Variants in DNAJB14 observed in about 807,000 individuals in gnomAD.
The protein encoded by DNAJB14 is dnaJ homolog subfamily B member 14.
A neutral mutation model predicts 48.4 loss-of-function variants in DNAJB14; 22 were observed. The observed-to-expected ratio is 0.45, with a 90% CI of 0.32 to 0.65. The LOEUF is 0.65. Ranked by LOEUF, DNAJB14 falls within the 30% of genes least tolerant of loss-of-function variation. The pLI is 0.03. For missense variants in DNAJB14, 319 were observed against 458.8 expected (o/e 0.70, Z 2.78); for synonymous variants, 142 against 158.7 (o/e 0.89, Z 0.79).
intron 2 of DNAJB14, chr4:99,925,094 A>G: frequency 2.6e-6 from 1 of 389,610 alleles, no homozygotes; most frequent in Non-Finnish European, 4.6e-6. Context: ...CTCCTTGAAT[A>G]CCAAAATCTA....
Position 99,897,967 on chromosome 4 carries a change from G to C in DNAJB14, c.*3061C>G, listed in dbSNP as rs967120983. Reference sequence around the variant, plus strand: ...TATTTAGCTGTCTTAACACAGGTGGGAGACTTTTTTTTAATGAAATACATA... The same window carrying C: ...TATTTAGCTGTCTTAACACAGGTGGCAGACTTTTTTTTAATGAAATACATA... On this transcript the variant is annotated 3_prime_UTR_variant, in exon 8 of 8. Transcript: ENST00000442697. The C allele has an allele frequency of 1.1e-4, 16 of 151,944 alleles. No homozygotes were observed. The highest frequency in any genetic ancestry group is 2.0e-4 in the Admixed American group (3 of 15,260). 9.4% of individuals were successfully genotyped at this position (151,944 alleles called of 1,614,324 possible).
intron 1 of DNAJB14, among the ~76,000 whole-genome samples, chr4:99,943,426 A>G (rs1726950283): frequency 6.6e-6 from 1 of 152,150 alleles, no homozygotes; most frequent in African/African-American, 2.4e-5. Context: ...GATTTATTCA[A>G]ATTGTTTGCA....
intron 3 of DNAJB14, among the ~76,000 whole-genome samples, chr4:99,917,049 C>T (rs940146795): frequency 3.3e-5 from 5 of 152,114 alleles, no homozygotes; most frequent in Non-Finnish European, 4.4e-5. Context: ...GCAGGAAAAT[C>T]GCTTGAACCT....
chr4:99,915,698 T>C (rs892837714), intron 3 of DNAJB14, among the ~76,000 whole-genome samples: 5 of 152,212 alleles, frequency 3.3e-5, no homozygotes, highest in Admixed American at 2.0e-4. Flanking sequence ...GAATTTGTAG[T>C]CTGCTGTTGT....
rs1039681045 is a variant in DNAJB14 at position 99,897,521 on chromosome 4, G to C, written c.*3507C>G. 1 of 151,826 alleles carries C rather than the reference G, an allele frequency of 6.6e-6. No homozygotes were observed. The highest frequency in any genetic ancestry group is 2.4e-5 in the African/African-American group (1 of 41,378). The allele number at this position is 151,826 out of a possible 1,614,324, so 9.4% of individuals were successfully genotyped here. On this transcript the variant is annotated 3_prime_UTR_variant, in exon 8 of 8. Transcript: ENST00000442697. ...TTGAAGGGATGAGCAAGAATTCCTT[G>C]AAAAGCCTCATTCTATCCTTTTTCT...
chr4:99,922,275 G>A (rs1726088773), intron 3 of DNAJB14, among the ~76,000 whole-genome samples: 2 of 152,294 alleles, frequency 1.3e-5, no homozygotes, highest in Non-Finnish European at 1.5e-5. Context: ...TTTAAAATGA[G>A]TATCTACTTC....
At chr4:99,906,016 A>C in intron 5 of DNAJB14, 1 of 1,309,694 alleles carries the variant, frequency 7.6e-7, no homozygotes. Context: ...AATATGCTGC[A>C]GGCTGTAAAA....
At chr4:99,933,721 G>C (rs961704334) in intron 1 of DNAJB14, among the ~76,000 whole-genome samples, 1 of 152,120 alleles carries the variant, frequency 6.6e-6, no homozygotes, top group Non-Finnish European at 1.5e-5. Context: ...TGGAAAAAAG[G>C]CTATGACATC....
At chr4:99,931,602 T>C (rs944371115) in intron 1 of DNAJB14, among the ~76,000 whole-genome samples, 32 of 152,178 alleles carry the variant, frequency 2.1e-4, no homozygotes, top group African/African-American at 7.7e-4. Flanking sequence ...ACAGATGACT[T>C]AGACATCAAA....
At chr4:99,918,177 A>G (rs980456260) in intron 3 of DNAJB14, among the ~76,000 whole-genome samples, 2 of 152,026 alleles carry the variant, frequency 1.3e-5, no homozygotes, top group Non-Finnish European at 2.9e-5. Context: ...CTTATTTTCT[A>G]TGTTCAAATT....
chr4:99,939,465 T>C (rs1029617822), intron 1 of DNAJB14, among the ~76,000 whole-genome samples: 3 of 152,374 alleles, frequency 2.0e-5, no homozygotes, highest in Admixed American at 1.3e-4. Flanking sequence ...CCTCCTTTCA[T>C]TTTTAGCACA....
intron 1 of DNAJB14, among the ~76,000 whole-genome samples, 184 bp downstream of exon 1, chr4:99,946,255 C>T (rs932587506): frequency 6.6e-6 from 1 of 152,118 alleles, no homozygotes; most frequent in Non-Finnish European, 1.5e-5. Flanking sequence ...AGCCCCAGCC[C>T]GGAGCCGGGG....
intron 1 of DNAJB14, among the ~76,000 whole-genome samples, chr4:99,942,912 G>T (rs1726934070): frequency 1.3e-5 from 2 of 152,102 alleles, no homozygotes; most frequent in Non-Finnish European, 2.9e-5. Context: ...GAATTTGGTG[G>T]TGGACTAGTA....
intron 7 of DNAJB14, 76 bp downstream of exon 7, chr4:99,903,650 G>C (rs1389750850): frequency 6.9e-7 from 1 of 1,448,486 alleles, no homozygotes; most frequent in Non-Finnish European, 9.3e-7. Flanking sequence ...AACATTCCTT[G>C]AATAGGGAAA....
chr4:99,923,738 G>A lies in DNAJB14; in HGVS notation c.306-553C>T, dbSNP rs555907844. On this transcript the variant is annotated intron_variant, in intron 2 of 7. Coordinates refer to ENST00000442697, the MANE Select transcript of DNAJB14 (RefSeq NM_001031723.4). ...TTTGATATAGATGGGGTCTTGTTAT[G>A]TTGGGGCTGAGGCTAGTCTTGAAAT... 1,172 of 963,466 alleles carry A rather than the reference G, an allele frequency of 1.2e-3. 2 individuals carry two copies. Among genetic ancestry groups the A allele is most frequent in the Non-Finnish European group, 1.4e-3 (1,096 of 810,056 alleles). The allele number at this position is 963,466 out of a possible 1,614,324, so 59.7% of individuals were successfully genotyped here.
intron 2 of DNAJB14, chr4:99,925,695 T>C (rs903061994): frequency 6.6e-6 from 1 of 152,028 alleles, no homozygotes; most frequent in Admixed American, 6.6e-5. Context: ...TCACATTAAA[T>C]TTACAATTGG....
In DNAJB14 at chr4:99,896,750, T is replaced by G. The variant is rs1725155084; in HGVS notation, c.*4278A>C. 4 of 152,104 alleles carry G rather than the reference T, an allele frequency of 2.6e-5. No homozygotes were observed. Among genetic ancestry groups the G allele is most frequent in the Admixed American group, 2.6e-4 (4 of 15,278 alleles). 9.4% of individuals were successfully genotyped at this position (152,104 alleles called of 1,614,324 possible). ...TACAATACTCCAATGTCACTGAAAATCTCTATGATTTTAATGGTGTCCTTA... is the reference window on the plus strand; with the variant it reads ...TACAATACTCCAATGTCACTGAAAAGCTCTATGATTTTAATGGTGTCCTTA... On this transcript the variant is annotated 3_prime_UTR_variant, in exon 8 of 8. Transcript: ENST00000442697.
Position 99,930,529 on chromosome 4 carries a change from T to C in DNAJB14, c.226A>G (p.Asn76Asp), listed in dbSNP as rs1726426263. The C allele has an allele frequency of 1.9e-6, 3 of 1,613,292 alleles. No homozygotes were observed. The highest frequency in any genetic ancestry group is 1.1e-5 in the South Asian group (1 of 90,888). ...PSGSGDQSKP[N>D]CTKDSTSGSG... ...CCAGATGTGCTGTCCTTTGTGCAATTAGGCTTGCTTTGATCGCCACTACCT... is the reference window on the plus strand; with the variant it reads ...CCAGATGTGCTGTCCTTTGTGCAATCAGGCTTGCTTTGATCGCCACTACCT... The change falls in exon 2 of 8, where the codon AAT becomes GAT. Residue 76 changes from asparagine to aspartate, a missense_variant. Around this residue, in one of 3 missense-constraint regions of DNAJB14, gnomAD observed 116 missense variants for 134.6 expected, o/e 0.86. Coordinates refer to ENST00000442697, the MANE Select transcript of DNAJB14 (RefSeq NM_001031723.4).
chr4:99,930,740 G>T, intron 1 of DNAJB14, 119 bp from the exon 2 acceptor site: 1 of 1,126,156 alleles, frequency 8.9e-7, no homozygotes, highest in East Asian at 2.6e-5. Flanking sequence ...ATTCACCATA[G>T]GATCTTTTTA....
Sources: gnomAD v4.1 joint callset for allele counts (sites outside exome capture counted in the v4.1 genomes callset) on GRCh38, gnomAD v4.1.1 for gene constraint, gnomAD v4.1.1 regional missense constraint, MANE v1.5 for transcripts, NCBI Gene and HGNC (gene_info 2026-07-23, HGNC 2026-07-21) for gene names.